PLXDC2: variants seen among roughly 807,000 people sequenced by gnomAD.
PLXDC2 encodes plexin domain containing 2.
PLXDC2 carries 40 observed loss-of-function variants against 68.9 expected under a neutral mutation model. That is an observed-to-expected ratio of 0.58 (90% CI 0.45 to 0.76). PLXDC2 has a LOEUF of 0.76. PLXDC2 is among the 30% of genes least tolerant of loss of function. The pLI is 0.00. For synonymous variants in PLXDC2, 243 were observed against 234.2 expected, an observed-to-expected ratio of 1.04 and a Z score of -0.34; for missense variants, 644 against 661.9, an observed-to-expected ratio of 0.97 and a Z score of 0.30.
chr10:19,933,019 T>C (rs1389631003), intron 1 of PLXDC2, among the ~76,000 whole-genome samples: 1 of 152,160 alleles, frequency 6.6e-6, no homozygotes. Context: ...TTAGGTAATA[T>C]TTTGACAACA....
chr10:20,245,431 G>A lies in PLXDC2; in HGVS notation c.1399G>A (p.Val467Ile). The A allele has an allele frequency of 6.2e-7, 1 of 1,613,856 alleles. No homozygotes were observed. Among genetic ancestry groups the A allele is most frequent in the South Asian group, 1.1e-5 (1 of 91,068 alleles). The stretch of plus-strand genomic sequence containing the variant: ...TGGAATCCTCATCCTGGTCCTCATT[G>A]TAGCCACAGCCATTCTTGTGACAGT... ...IIGILILVLI[V>I]ATAILVTVYM... Residue 467 changes from valine to isoleucine, a missense_variant, in exon 13 of 14, where the codon GTA (valine) becomes ATA (isoleucine). Coordinates refer to ENST00000377252, the MANE Select transcript of PLXDC2 (RefSeq NM_032812.9).
chr10:20,040,783 A>G (rs1835669474), intron 2 of PLXDC2, among the ~76,000 whole-genome samples: 1 of 152,156 alleles, frequency 6.6e-6, no homozygotes, highest in Non-Finnish European at 1.5e-5. Context: ...TCTTCAGTTG[A>G]CAATACTATG....
chr10:20,167,801 CCATTACTATAT>C (rs1834394239), intron 7 of PLXDC2, among the ~76,000 whole-genome samples: 1 of 152,052 alleles, frequency 6.6e-6, no homozygotes, highest in East Asian at 1.9e-4. Context: ...CAGTAGATCA[CCATTACTATAT>C]CATTCTTATC....
chr10:20,124,113 CAGGT>C (rs762123323), intron 4 of PLXDC2, among the ~76,000 whole-genome samples: 1 of 152,062 alleles, frequency 6.6e-6, no homozygotes, highest in Non-Finnish European at 1.5e-5. Flanking sequence ...AGGACAAAGG[CAGGT>C]GTCCCTGCAT....
intron 3 of PLXDC2, among the ~76,000 whole-genome samples, chr10:20,066,949 C>A (rs983471402): frequency 1.3e-5 from 2 of 152,162 alleles, no homozygotes; most frequent in South Asian, 4.1e-4. Flanking sequence ...TAATTACTTT[C>A]CTTCTGGATA....
chr10:20,095,756 T>A (rs1295420940), intron 4 of PLXDC2, among the ~76,000 whole-genome samples: 1 of 152,110 alleles, frequency 6.6e-6, no homozygotes, highest in Admixed American at 6.5e-5. Context: ...GATTAATGTT[T>A]TAGATGGATG....
chr10:19,832,485 CAT>C (rs1173518957), intron 1 of PLXDC2, among the ~76,000 whole-genome samples: 2 of 152,222 alleles, frequency 1.3e-5, no homozygotes, highest in Non-Finnish European at 2.9e-5. Flanking sequence ...ACATGTTACA[CAT>C]GTCTGTGTGA....
intron 3 of PLXDC2, among the ~76,000 whole-genome samples, chr10:20,063,658 T>A (rs1836143564): frequency 6.6e-6 from 1 of 152,168 alleles, no homozygotes; most frequent in African/African-American, 2.4e-5. Context: ...GAAAAATATG[T>A]AAAGAAGGCA....
intron 1 of PLXDC2, among the ~76,000 whole-genome samples, chr10:19,991,892 T>A (rs753765975): frequency 5.9e-5 from 9 of 152,196 alleles, no homozygotes; most frequent in Non-Finnish European, 1.2e-4. Flanking sequence ...CCATGATTGG[T>A]CCTTGTTTAC....
intron 3 of PLXDC2, among the ~76,000 whole-genome samples, chr10:20,051,397 T>TAA (rs1186687958): frequency 7.3e-4 from 1 of 1,370 alleles, no homozygotes; most frequent in Non-Finnish European, 1.3e-3. Context: ...AAAGGTTAAA[T>TAA]ATATATATAT....
intron 2 of PLXDC2, among the ~76,000 whole-genome samples, chr10:20,008,171 G>A: frequency 6.6e-6 from 1 of 152,166 alleles, no homozygotes; most frequent in Admixed American, 6.6e-5. Context: ...TGTACACAAG[G>A]TCATTGTGTG....
chr10:20,161,914 C>T (rs1834297514), intron 6 of PLXDC2, among the ~76,000 whole-genome samples: 2 of 151,818 alleles, frequency 1.3e-5, no homozygotes, highest in South Asian at 4.2e-4. Context: ...GCCTTTAATC[C>T]CAGCTACTCA....
chr10:20,022,294 C>CT (rs1329464069), intron 2 of PLXDC2, among the ~76,000 whole-genome samples: 3 of 152,140 alleles, frequency 2.0e-5, no homozygotes, highest in African/African-American at 7.2e-5. Context: ...ATGGAGTCTT[C>CT]TTGGAGCTTA....
At chr10:19,932,608 G>A (rs1300194692) in intron 1 of PLXDC2, among the ~76,000 whole-genome samples, 2 of 152,124 alleles carry the variant, frequency 1.3e-5, no homozygotes, top group Admixed American at 6.5e-5. Flanking sequence ...CCAACCATAT[G>A]TACTGGCAAT....
chr10:20,139,211 A>G (rs371103200), intron 4 of PLXDC2, among the ~76,000 whole-genome samples: 2 of 152,236 alleles, frequency 1.3e-5, no homozygotes, highest in African/African-American at 2.4e-5. Flanking sequence ...GTTGATTACA[A>G]CTGATCTCAG....
intron 1 of PLXDC2, among the ~76,000 whole-genome samples, chr10:19,846,728 A>G (rs1182898647): frequency 6.6e-6 from 1 of 152,182 alleles, no homozygotes; most frequent in Non-Finnish European, 1.5e-5. Context: ...CTCGTGGGCC[A>G]AGACCACAAG....
intron 10 of PLXDC2, among the ~76,000 whole-genome samples, chr10:20,214,068 AT>A (rs1344962086): frequency 6.6e-6 from 1 of 152,134 alleles, no homozygotes; most frequent in African/African-American, 2.4e-5. Context: ...TCCAACAAAC[AT>A]TTTTCATATC....
At chr10:20,269,221 C>A (rs1835906054) in intron 13 of PLXDC2, among the ~76,000 whole-genome samples, 2 of 152,104 alleles carry the variant, frequency 1.3e-5, no homozygotes, top group Admixed American at 1.3e-4. Context: ...TCAAAAGTGT[C>A]CTGATTTGGA....
intron 1 of PLXDC2, among the ~76,000 whole-genome samples, chr10:19,927,518 G>C (rs1243244363): frequency 1.3e-5 from 2 of 151,694 alleles, no homozygotes; most frequent in African/African-American, 4.8e-5. Context: ...TGGCCAACAT[G>C]GTGAAACCCC....
Sources: gnomAD v4.1 joint callset for allele counts (sites outside exome capture counted in the v4.1 genomes callset) on GRCh38, gnomAD v4.1.1 for gene constraint, MANE v1.5 for transcripts, NCBI Gene and HGNC (gene_info 2026-07-23, HGNC 2026-07-21) for gene names.